Variants in GET1 observed in about 807,000 individuals in gnomAD.
GET1 encodes the protein guided entry of tail-anchored proteins factor 1.
GET1 carries 20 observed loss-of-function variants against 22.6 expected under a neutral mutation model. That is an observed-to-expected ratio of 0.89 (90% CI 0.62 to 1.29). GET1 has a LOEUF of 1.29. Ranked by LOEUF, GET1 falls within the 50% of genes most tolerant of loss-of-function variation. The probability of loss-of-function intolerance (pLI) is 0.00; values close to 1 mark genes in which losing one functional copy is unlikely to be tolerated. For missense variants in GET1, 209 were observed against 219.9 expected, an observed-to-expected ratio of 0.95 and a Z score of 0.31; for synonymous variants, 92 against 83.8, an observed-to-expected ratio of 1.10 and a Z score of -0.53.
chr21:39,415,296 T>C (rs2040932659), intron 1 of GET1, among the ~76,000 whole-genome samples: 1 of 152,226 alleles, frequency 6.6e-6, no homozygotes, highest in African/African-American at 2.4e-5. Context: ...TAGCCATTTC[T>C]ACTCTTTTAA....
intron 1 of GET1, among the ~76,000 whole-genome samples, chr21:39,416,133 A>C (rs1190717710): frequency 2.0e-5 from 3 of 152,138 alleles, no homozygotes; most frequent in African/African-American, 4.8e-5. Flanking sequence ...CCCCTCACAA[A>C]CGATTTGGTT....
rs368526863 is a variant in GET1 at position 39,380,733 on chromosome 21, G to A, written c.102+247G>A. On this transcript the variant is annotated intron_variant, in intron 1 of 4. Coordinates refer to ENST00000649170, the MANE Select transcript of GET1 (RefSeq NM_004627.6). ...GCAACCCTGGACTCTTCTGGCTGTG[G>A]GTGGCGGCGGCGAACCTCACACTGG... 7.5e-4 allele frequency: 916 copies of A among 1,214,154 alleles called. 5 individuals carry two copies. In the African/African-American group the frequency reaches 0.013, roughly 17 times the overall value. The allele number at this position is 1,214,154 out of a possible 1,614,324, so 75.2% of individuals were successfully genotyped here.
In GET1 at chr21:39,417,956, T is replaced by C. The variant is rs533651029; in HGVS notation, c.*23+7019T>C. ...AATTTTTTGTATTTTTTAGTAGAGA[T>C]GGGGTTTCGCCGTGTTTGCCAGGAT... On this transcript the variant is annotated intron_variant, in intron 1 of 1. Transcript: ENST00000478273. 8.2e-4 allele frequency among the ~76,000 whole-genome samples: 125 copies of C among 152,192 alleles called. 1 individual carries two copies. Among genetic ancestry groups the C allele is most frequent in the Non-Finnish European group, 1.1e-3 (75 of 67,990 alleles).
At chr21:39,421,356 G>A (rs1244370804) in intron 1 of GET1, among the ~76,000 whole-genome samples, 1 of 152,056 alleles carries the variant, frequency 6.6e-6, no homozygotes, top group African/African-American at 2.4e-5. Context: ...CCAAAGTGCT[G>A]GTATTACGGG....
intron 4 of GET1, 115 bp from the exon 5 acceptor site, chr21:39,396,751 C>A: frequency 1.1e-6 from 1 of 929,736 alleles, no homozygotes. Context: ...CACTTCAGCC[C>A]AGCACTGCTC....
chr21:39,384,507 G>A (rs2037761829), intron 1 of GET1, among the ~76,000 whole-genome samples: 1 of 151,432 alleles, frequency 6.6e-6, no homozygotes, highest in Non-Finnish European at 1.5e-5. Context: ...TGATCCACCT[G>A]CCTCAGCCTC....
At chr21:39,387,763 G>T (rs114798465) in intron 1 of GET1, 6 of 983,022 alleles carry the variant, frequency 6.1e-6, no homozygotes, top group Non-Finnish European at 7.2e-6. Context: ...GAAACCACGC[G>T]CATGCGCAGA....
downstream of GET1, among the ~76,000 whole-genome samples, chr21:39,407,613 A>G (rs1017058480): frequency 1.3e-5 from 2 of 152,212 alleles, no homozygotes; most frequent in African/African-American, 2.4e-5. Context: ...GGCAGTTATT[A>G]TAGACAATGA....
At chr21:39,410,843 G>T (rs1049198095), downstream of GET1, 2 of 471,176 alleles carry the variant, frequency 4.2e-6, no homozygotes, top group African/African-American at 4.0e-5. Context: ...TATTATTCTA[G>T]ATTATAAGCC....
chr21:39,386,896 G>A (rs1456646847), intron 1 of GET1, among the ~76,000 whole-genome samples: 10 of 150,912 alleles, frequency 6.6e-5, no homozygotes, highest in Non-Finnish European at 1.3e-4. Flanking sequence ...CAAGGCTGTA[G>A]TGTGGTGGTG....
chr21:39,391,546 AG>A, intron 2 of GET1: 1 of 494,022 alleles, frequency 2.0e-6, no homozygotes, highest in Non-Finnish European at 3.6e-6. Context: ...TCAAAATTAA[AG>A]CTATTCAAAT....
chr21:39,391,059 A>G, intron 2 of GET1, 196 bp downstream of exon 2: 2 of 502,946 alleles, frequency 4.0e-6, no homozygotes, highest in Non-Finnish European at 6.7e-6. Context: ...TTCTAAGCAC[A>G]GAAATATCTA....
At chr21:39,413,174 G>A (rs2040412520) in intron 1 of GET1, among the ~76,000 whole-genome samples, 1 of 152,202 alleles carries the variant, frequency 6.6e-6, no homozygotes, top group African/African-American at 2.4e-5. Context: ...TCACTCGTCA[G>A]GAGAACCAGC....
At chr21:39,412,065 C>A (rs1442701739) in intron 1 of GET1, among the ~76,000 whole-genome samples, 1 of 152,166 alleles carries the variant, frequency 6.6e-6, no homozygotes, top group African/African-American at 2.4e-5. Flanking sequence ...TTCCTTCTGT[C>A]CTGTGGGCCT....
chr21:39,387,666 CCTCCACCCCCCCTACTCCCCACA>C, intron 1 of GET1: 1 of 284,010 alleles, frequency 3.5e-6, no homozygotes, highest in Non-Finnish European at 5.3e-6. Context: ...CCCCTAGACC[CCTCCACCCCCCCTACTCCCCACA>C]CTCCCCCCCC....
chr21:39,423,401 C>G, intron 1 of GET1: 1 of 1,608,186 alleles, frequency 6.2e-7, no homozygotes, highest in Non-Finnish European at 8.5e-7. Flanking sequence ...TGAGCCATAG[C>G]ATCTCTTCTT....
At chr21:39,410,499 A>G (rs73365937), downstream of GET1, 2,797 of 550,794 alleles carry the variant, frequency 5.1e-3, 70 homozygotes, top group African/African-American at 0.049. Context: ...TTCAATATAT[A>G]TATAAGCATT....
intron 1 of GET1, among the ~76,000 whole-genome samples, chr21:39,417,829 G>C (rs896500832): frequency 6.6e-6 from 1 of 151,946 alleles, no homozygotes; most frequent in Admixed American, 6.6e-5. Flanking sequence ...GCGGTGGCGT[G>C]ATCTCCGCTC....
rs376657304 is a variant in GET1, at chr21:39,428,334, A to C, written c.*126A>C. On this transcript the variant is annotated 3_prime_UTR_variant, in exon 2 of 2. Coordinates refer to the GET1 transcript ENST00000478273. ...CTTAAACTTCCACAGGAGCACTGAG[A>C]TCTGCTATAATCAACACTCTTATTG... The C allele has an allele frequency of 2.2e-5, 36 of 1,613,606 alleles. 1 individual carries two copies. The highest frequency in any genetic ancestry group is 3.1e-5 in the Non-Finnish European group (36 of 1,179,886).
Sources: gnomAD v4.1 joint callset for allele counts (sites outside exome capture counted in the v4.1 genomes callset) on GRCh38, gnomAD v4.1.1 for gene constraint, MANE v1.5 for transcripts, NCBI Gene and HGNC (gene_info 2026-07-23, HGNC 2026-07-21) for gene names.